Variants in FARS2 observed in about 807,000 individuals in gnomAD.
The protein encoded by FARS2 is phenylalanyl-tRNA synthetase 2, mitochondrial.
A neutral mutation model predicts 46.4 loss-of-function variants in FARS2; 40 were observed. That is an observed-to-expected ratio of 0.86 (90% CI 0.67 to 1.12). The LOEUF (loss-of-function observed/expected upper bound fraction) is 1.12. Ranked by LOEUF, FARS2 falls within the 50% of genes most tolerant of loss-of-function variation. FARS2 has a pLI of 0.00. For synonymous variants in FARS2, 234 were observed against 214.9 expected (o/e 1.09, Z -0.78); for missense variants, 513 against 567.9 (o/e 0.90, Z 0.98).
chr6:5,608,338 C>G (rs7738509), intron 5 of FARS2, among the ~76,000 whole-genome samples: 117,365 of 152,062 alleles, frequency 0.77, 45,536 homozygotes, highest in East Asian at 0.87. Flanking sequence ...TTCTTGTTTA[C>G]TGCCTTGGTT....
At chr6:5,300,408 A>G (rs1581727038) in intron 1 of FARS2, among the ~76,000 whole-genome samples, 1 of 152,198 alleles carries the variant, frequency 6.6e-6, no homozygotes, top group East Asian at 1.9e-4. Context: ...GGGACATCTG[A>G]TGGTGATCCT....
chr6:5,609,819 A>C (rs1775069789), intron 5 of FARS2: 1 of 1,160,432 alleles, frequency 8.6e-7, no homozygotes, highest in Admixed American at 1.7e-5. Flanking sequence ...TGTTCAAAAT[A>C]ATCTCTTCAA....
chr6:5,531,346 C>T (rs1338444641), intron 4 of FARS2, among the ~76,000 whole-genome samples: 2 of 152,158 alleles, frequency 1.3e-5, no homozygotes, highest in Non-Finnish European at 2.9e-5. Flanking sequence ...TGCGCAGGAC[C>T]GTTGGGAATT....
chr6:5,625,367 G>T (rs993669262), intron 6 of FARS2, among the ~76,000 whole-genome samples: 16 of 152,246 alleles, frequency 1.1e-4, no homozygotes, highest in Admixed American at 5.2e-4. Context: ...CTGACACAGG[G>T]GTGCAGGCTG....
chr6:5,421,447 T>A (rs370915702), intron 3 of FARS2, among the ~76,000 whole-genome samples: 1 of 152,220 alleles, frequency 6.6e-6, no homozygotes, highest in Admixed American at 6.5e-5. Context: ...CACCTTCTTG[T>A]TACTTATGCC....
intron 5 of FARS2, among the ~76,000 whole-genome samples, chr6:5,569,972 C>T (rs992973167): frequency 1.1e-4 from 17 of 152,154 alleles, no homozygotes; most frequent in African/African-American, 3.9e-4. Flanking sequence ...GTGTTTCTTC[C>T]CTGCCTGCCC....
At chr6:5,746,904 A>G (rs76332406) in intron 6 of FARS2, among the ~76,000 whole-genome samples, 47 of 152,358 alleles carry the variant, frequency 3.1e-4, no homozygotes, top group African/African-American at 9.6e-4. Flanking sequence ...TAAATGGGAA[A>G]CATATGTAGG....
chr6:5,375,313 G>T (rs986464336), intron 2 of FARS2, among the ~76,000 whole-genome samples: 1 of 151,900 alleles, frequency 6.6e-6, no homozygotes, highest in Non-Finnish European at 1.5e-5. Flanking sequence ...TTTATTTGTA[G>T]TATCAACTAA....
chr6:5,655,428 A>G (rs1347003731), intron 6 of FARS2, among the ~76,000 whole-genome samples: 3 of 152,178 alleles, frequency 2.0e-5, no homozygotes, highest in Non-Finnish European at 4.4e-5. Context: ...TTAAAACAAC[A>G]CACACTGATC....
Position 5,733,119 on chromosome 6 carries a change from C to A in FARS2, c.1218-38172C>A, listed in dbSNP as rs530894836. Among the ~76,000 whole-genome samples the A allele has an allele frequency of 2.0e-5, 3 of 152,256 alleles. No homozygotes were observed. In the South Asian group the frequency reaches 6.2e-4, roughly 32 times the overall value. On this transcript the variant is annotated intron_variant, in intron 6 of 6. Transcript: ENST00000274680. ...ATTTGCAGATAATTAACCTCAGGGT[C>A]AAAAAATCCTACCCTTCTGCCTCTG...
At position 5,496,359 on chromosome 6, in the gene FARS2, A is replaced by AT. The variant is rs1582271406; in HGVS notation, c.905-48817dup. On this transcript the variant is annotated intron_variant, in intron 4 of 6. Transcript: ENST00000274680. ...TTACAAGGTGTTCAGCATTCAGAATATTTTGTCATCGAGAGGGAGGAGCTT... is the reference window on the plus strand; with the variant it reads ...TTACAAGGTGTTCAGCATTCAGAATATTTTTGTCATCGAGAGGGAGGAGCTT... 2.0e-5 allele frequency among the ~76,000 whole-genome samples: 3 copies of AT among 152,242 alleles called. No individual in the cohort carries two copies. The East Asian group carries it at 5.8e-4, about 29-fold the overall frequency.
rs181552634 is a variant in FARS2, at chr6:5,673,669, T to C, written c.1217+60349T>C. On this transcript the variant is annotated intron_variant, in intron 6 of 6. Coordinates refer to ENST00000274680, the MANE Select transcript of FARS2 (RefSeq NM_006567.5). Reference sequence around the variant, plus strand: ...AAGAAATGAAGCTTCTTTGCTGCCATGTCGATGATGCTTGTTTCTGAGAAA... The same window carrying C: ...AAGAAATGAAGCTTCTTTGCTGCCACGTCGATGATGCTTGTTTCTGAGAAA... 2.0e-5 allele frequency among the ~76,000 whole-genome samples: 3 copies of C among 152,220 alleles called. No individual in the cohort carries two copies. In the East Asian group the frequency reaches 5.8e-4, roughly 29 times the overall value.
Position 5,714,843 on chromosome 6 carries a change from G to A in FARS2, c.1218-56448G>A, listed in dbSNP as rs185292244. Among the ~76,000 whole-genome samples, 457 of 152,158 alleles carry A rather than the reference G, an allele frequency of 3.0e-3. 3 individuals carry two copies. Among genetic ancestry groups the A allele is most frequent in the Non-Finnish European group, 3.0e-3 (207 of 68,018 alleles). ...AGTTCGAGACCAGTCTGGCTAACATGGTAAAACCCCATGTCTACTAAAAAT... is the reference window on the plus strand; with the variant it reads ...AGTTCGAGACCAGTCTGGCTAACATAGTAAAACCCCATGTCTACTAAAAAT... On this transcript the variant is annotated intron_variant, in intron 6 of 6. Coordinates refer to ENST00000274680, the MANE Select transcript of FARS2 (RefSeq NM_006567.5).
chr6:5,625,052 C>T (rs947832007), intron 6 of FARS2, among the ~76,000 whole-genome samples: 2 of 152,148 alleles, frequency 1.3e-5, no homozygotes, highest in South Asian at 2.1e-4. Flanking sequence ...CTTGAATGTA[C>T]CATAGCTCCC....
At chr6:5,456,346 C>T (rs1167040706) in intron 4 of FARS2, among the ~76,000 whole-genome samples, 2 of 152,214 alleles carry the variant, frequency 1.3e-5, no homozygotes, top group African/African-American at 4.8e-5. Context: ...AGCTTGCATT[C>T]ACGCAGCATT....
chr6:5,771,468 C>G lies in FARS2; in HGVS notation c.*39C>G, dbSNP rs1763047168. On this transcript the variant is annotated 3_prime_UTR_variant, in exon 7 of 7. Transcript: ENST00000274680. ...CTCAGGCTGCAGCCCTCTTGGGGCT[C>G]CAGGATTTGCTGAAAGAGAAAAAGA... 1 of 1,572,664 alleles carries G rather than the reference C, an allele frequency of 6.4e-7. No individual in the cohort carries two copies. Among genetic ancestry groups the G allele is most frequent in the Admixed American group, 2.1e-5 (1 of 48,378 alleles).
At chr6:5,749,861 G>C (rs1044331772) in intron 6 of FARS2, among the ~76,000 whole-genome samples, 2 of 152,172 alleles carry the variant, frequency 1.3e-5, no homozygotes, top group East Asian at 3.9e-4. Context: ...GTCCACATCT[G>C]TGTGCTGCCT....
At chr6:5,349,881 GT>G (rs199779414) in intron 1 of FARS2, among the ~76,000 whole-genome samples, 9,318 of 135,720 alleles carry the variant, frequency 0.069, 310 homozygotes, top group Middle Eastern at 0.11. Flanking sequence ...GGAGTTATAT[GT>G]TTTTTTTTTT....
intron 3 of FARS2, among the ~76,000 whole-genome samples, chr6:5,427,694 C>A (rs973315118): frequency 6.6e-6 from 1 of 152,122 alleles, no homozygotes; most frequent in African/African-American, 2.4e-5. Flanking sequence ...CGGCTAACGT[C>A]CCTGCTTTTC....
Sources: allele counts gnomAD v4.1 joint callset (sites outside exome capture counted in the v4.1 genomes callset), GRCh38; gene constraint gnomAD v4.1.1; transcripts MANE v1.5; gene names NCBI Gene and HGNC (gene_info 2026-07-23, HGNC 2026-07-21).